The following FRG1 variants were observed in gnomAD, a reference collection of about 807,000 sequenced individuals.
FRG1 encodes the protein protein FRG1.
In FRG1, 19 loss-of-function variants were observed where a neutral mutation model predicts 37.0. That is an observed-to-expected ratio of 0.51 (90% CI 0.36 to 0.75). FRG1 has a LOEUF of 0.75. Ranked by LOEUF, FRG1 falls within the 30% of genes least tolerant of loss-of-function variation. The pLI is 0.00. For synonymous variants in FRG1, 73 were observed against 96.5 expected, an observed-to-expected ratio of 0.76 and a Z score of 1.43; for missense variants, 243 against 301.4, an observed-to-expected ratio of 0.81 and a Z score of 1.44.
At chr4:189,948,218 G>A (rs1430523925) in intron 2 of FRG1, among the ~76,000 whole-genome samples, 1 of 152,192 alleles carries the variant, frequency 6.6e-6, no homozygotes, top group Non-Finnish European at 1.5e-5. Flanking sequence ...AAGCTGTTCT[G>A]TTGGTTCCTC....
At chr4:189,942,411 A>G (rs577037067) in intron 1 of FRG1, among the ~76,000 whole-genome samples, 1 of 152,224 alleles carries the variant, frequency 6.6e-6, no homozygotes, top group Non-Finnish European at 1.5e-5. Context: ...CTTGGCAACC[A>G]CTAATCCGCT....
chr4:189,946,883 G>GCT (rs111966906), intron 2 of FRG1, among the ~76,000 whole-genome samples: 8 of 151,908 alleles, frequency 5.3e-5, no homozygotes, highest in African/African-American at 1.9e-4. Flanking sequence ...ATGGAGTCTC[G>GCT]CTGTTGCCCA....
Position 189,943,462 on chromosome 4 carries a change from C to CT in FRG1, c.133+190_133+191insT, listed in dbSNP as rs201459242. On this transcript the variant is annotated intron_variant, in intron 2 of 8. Coordinates refer to ENST00000226798, the MANE Select transcript of FRG1 (RefSeq NM_004477.3). ...GCTACTGATGCCTTTACTTCATTAT[C>CT]AGGAGAGAAAAATTATAACTCTCTG... Among the ~76,000 whole-genome samples the CT allele has an allele frequency of 9.8e-3, 1,492 of 152,238 alleles. 24 individuals are homozygous for CT. The highest frequency in any genetic ancestry group is 0.034 in the African/African-American group (1,422 of 41,538).
At chr4:189,946,486 TTTA>T (rs373063788) in intron 2 of FRG1, among the ~76,000 whole-genome samples, 1 of 152,164 alleles carries the variant, frequency 6.6e-6, no homozygotes, top group Non-Finnish European at 1.5e-5. Flanking sequence ...TTTTCAGTCT[TTTA>T]TTTTTTTCCT....
At chr4:189,942,389 C>T (rs74472807) in intron 1 of FRG1, among the ~76,000 whole-genome samples, 5 of 152,126 alleles carry the variant, frequency 3.3e-5, no homozygotes, top group African/African-American at 1.2e-4. Context: ...CCATCCTCCC[C>T]CTCTCCTAGT....
intron 4 of FRG1, 90 bp from the exon 5 acceptor site, chr4:189,954,947 A>G: frequency 1.4e-6 from 1 of 738,922 alleles, no homozygotes; most frequent in Non-Finnish European, 2.3e-6. Context: ...AGATATGTAC[A>G]CAGCCACACA....
intron 2 of FRG1, among the ~76,000 whole-genome samples, chr4:189,948,699 TG>T (rs1206199449): frequency 7.0e-4 from 83 of 119,092 alleles, no homozygotes; most frequent in Admixed American, 2.8e-3. Flanking sequence ...TTTTTTGTTT[TG>T]TTTTTTTTGA....
chr4:189,954,299 T>C lies in FRG1; in HGVS notation c.318-738T>C, dbSNP rs1310496577. Among the ~76,000 whole-genome samples the C allele has an allele frequency of 1.2e-4, 19 of 152,268 alleles. No individual in the cohort carries two copies. In the East Asian group the frequency reaches 3.7e-3, roughly 29 times the overall value. On this transcript the variant is annotated intron_variant, in intron 4 of 8. Transcript: ENST00000226798. Reference sequence around the variant, plus strand: ...TTTTCTGGAAAACAGTTTGATGACATAAGAACTTTATACTCTTCGATCCAG... The same window carrying C: ...TTTTCTGGAAAACAGTTTGATGACACAAGAACTTTATACTCTTCGATCCAG...
chr4:189,946,882 C>T (rs565332173), intron 2 of FRG1, among the ~76,000 whole-genome samples: 29 of 152,136 alleles, frequency 1.9e-4, no homozygotes, highest in African/African-American at 6.5e-4. Context: ...GATGGAGTCT[C>T]GCTGTTGCCC....
In FRG1 at chr4:189,955,944, GT is replaced by G. The variant is rs751109091; in HGVS notation, c.432+797del. Among the ~76,000 whole-genome samples, 100 of 152,292 alleles carry G rather than the reference GT, an allele frequency of 6.6e-4. 1 individual carries two copies. The highest frequency in any genetic ancestry group is 1.9e-3 in the South Asian group (9 of 4,826). ...GAATTGAAAATAGGAACTCAGCAGT[GT>G]TTTCTAAGATGACAGATTAAACAAA... On this transcript the variant is annotated intron_variant, in intron 5 of 8. Transcript: ENST00000226798.
intron 5 of FRG1, among the ~76,000 whole-genome samples, chr4:189,956,478 G>C (rs1736987224): frequency 6.6e-6 from 1 of 152,156 alleles, no homozygotes; most frequent in South Asian, 2.1e-4. Flanking sequence ...TTAAATGAAA[G>C]AGGGTCTTAA....
chr4:189,960,347 T>G (rs1737175692), intron 6 of FRG1, among the ~76,000 whole-genome samples: 1 of 152,260 alleles, frequency 6.6e-6, no homozygotes, highest in African/African-American at 2.4e-5. Context: ...GGTAATAGTC[T>G]GTGCAACATA....
intron 4 of FRG1, among the ~76,000 whole-genome samples, chr4:189,953,738 C>T (rs79009466): frequency 3.3e-5 from 5 of 150,966 alleles, no homozygotes; most frequent in Non-Finnish European, 5.9e-5. Flanking sequence ...AGGAGATTCT[C>T]GGTAAGGTAA....
At chr4:189,962,689 C>T (rs1232960818) in intron 8 of FRG1, among the ~76,000 whole-genome samples, 1 of 152,080 alleles carries the variant, frequency 6.6e-6, no homozygotes, top group Non-Finnish European at 1.5e-5. Flanking sequence ...GAATATGTAT[C>T]TCATTGTAAG....
chr4:189,945,086 T>G (rs1386536905), intron 2 of FRG1, among the ~76,000 whole-genome samples: 1 of 152,226 alleles, frequency 6.6e-6, no homozygotes, highest in African/African-American at 2.4e-5. Context: ...TTGCTGTCAG[T>G]ATGTAGATAT....
At chr4:189,960,635 T>C in intron 6 of FRG1, 113 bp from the exon 7 acceptor site, 2 of 1,113,308 alleles carry the variant, frequency 1.8e-6, no homozygotes, top group Non-Finnish European at 1.3e-6. Context: ...AGTTGCTCAG[T>C]TAATTTTTTC....
chr4:189,953,231 TAAA>T (rs936134428), intron 4 of FRG1, 106 bp downstream of exon 4: 1 of 1,397,124 alleles, frequency 7.2e-7, no homozygotes, highest in African/African-American at 1.5e-5. Context: ...AATTTTGATG[TAAA>T]AAACAAAATA....
intron 2 of FRG1, among the ~76,000 whole-genome samples, chr4:189,946,846 T>A (rs1360847261): frequency 1.3e-5 from 2 of 149,816 alleles, no homozygotes; most frequent in East Asian, 1.9e-4. Flanking sequence ...GGGTTTTTTG[T>A]TTGTTTGTTT....
At chr4:189,951,285 T>G (rs1413242409) in intron 2 of FRG1, among the ~76,000 whole-genome samples, 1 of 151,904 alleles carries the variant, frequency 6.6e-6, no homozygotes, top group Non-Finnish European at 1.5e-5. Flanking sequence ...GTCGGGAGTT[T>G]GAGACCAGCC....
Sources: gnomAD v4.1 joint callset for allele counts (sites outside exome capture counted in the v4.1 genomes callset) on GRCh38, gnomAD v4.1.1 for gene constraint, MANE v1.5 for transcripts, NCBI Gene and HGNC (gene_info 2026-07-23, HGNC 2026-07-21) for gene names.